The following KLHL32 variants were observed in gnomAD, a reference collection of about 807,000 sequenced individuals.
The protein encoded by KLHL32 is kelch like family member 32.
A neutral mutation model predicts 64.8 loss-of-function variants in KLHL32; 35 were observed. That is an observed-to-expected ratio of 0.54 (90% CI 0.41 to 0.72). The LOEUF is 0.72. KLHL32 is among the 30% of genes least tolerant of loss of function. The probability of loss-of-function intolerance (pLI) is 0.00; values close to 1 mark genes in which losing one functional copy is unlikely to be tolerated. For synonymous variants in KLHL32, 259 were observed against 281.0 expected (o/e 0.92, Z 0.78); for missense variants, 589 against 768.5 (o/e 0.77, Z 2.76).
upstream of KLHL32, among the ~76,000 whole-genome samples, chr6:96,921,428 C>T (rs1199212118): frequency 6.6e-6 from 1 of 152,196 alleles, no homozygotes; most frequent in African/African-American, 2.4e-5. Context: ...ACAAAATGTA[C>T]CCATAGGTAA....
intron 4 of KLHL32, among the ~76,000 whole-genome samples, chr6:97,049,752 T>C (rs1786550162): frequency 1.3e-5 from 2 of 152,230 alleles, no homozygotes; most frequent in Admixed American, 1.3e-4. Context: ...TTTTGCTTTT[T>C]TAGATCTTTT....
chr6:97,059,268 G>A (rs1327339356), intron 4 of KLHL32, among the ~76,000 whole-genome samples: 1 of 152,204 alleles, frequency 6.6e-6, no homozygotes. Context: ...TGGAGAACAA[G>A]GTATTGCCTG....
At chr6:97,076,804 A>G (rs2128169537) in intron 5 of KLHL32, among the ~76,000 whole-genome samples, 1 of 152,226 alleles carries the variant, frequency 6.6e-6, no homozygotes, top group South Asian at 2.1e-4. Context: ...AGTGTAGCTA[A>G]CATTTCTAGG....
In KLHL32 at chr6:97,068,242, A is replaced by G. The variant is rs548629891; in HGVS notation, c.411+3516A>G. Among the ~76,000 whole-genome samples the G allele has an allele frequency of 9.8e-5, 15 of 152,286 alleles. No individual in the cohort carries two copies. In the South Asian group the frequency reaches 3.1e-3, roughly 32 times the overall value. On this transcript the variant is annotated intron_variant, in intron 5 of 10. Coordinates refer to ENST00000369261, the MANE Select transcript of KLHL32 (RefSeq NM_052904.4). Reference sequence around the variant, plus strand: ...AGCATATTATATTGTTTTATTAACAACCATTCTTTATGTGCACCAAGTATC... The same window carrying G: ...AGCATATTATATTGTTTTATTAACAGCCATTCTTTATGTGCACCAAGTATC...
chr6:97,033,613 A>G (rs941520345), intron 3 of KLHL32, among the ~76,000 whole-genome samples: 1 of 152,146 alleles, frequency 6.6e-6, no homozygotes, highest in African/African-American at 2.4e-5. Context: ...ACTGTTTCCC[A>G]TAATGGCTGT....
chr6:97,060,596 G>A (rs756401601), intron 4 of KLHL32, among the ~76,000 whole-genome samples: 2 of 152,164 alleles, frequency 1.3e-5, no homozygotes, highest in African/African-American at 4.8e-5. Flanking sequence ...TCTGCCTGGA[G>A]ACCAGGAGTC....
intron 1 of KLHL32, among the ~76,000 whole-genome samples, chr6:96,940,017 A>C (rs888322293): frequency 7.9e-5 from 12 of 152,158 alleles, no homozygotes. Context: ...GAGAAACCTG[A>C]TGACTCCTAC....
chr6:96,916,674 G>A, the KLHL32 span, among the ~76,000 whole-genome samples: 14 of 152,240 alleles, frequency 9.2e-5, no homozygotes, highest in South Asian at 8.3e-4. Flanking sequence ...AAAAATTTTT[G>A]TATGTCTTTT....
At chr6:96,938,775 C>A (rs1474888888) in intron 1 of KLHL32, among the ~76,000 whole-genome samples, 1 of 152,184 alleles carries the variant, frequency 6.6e-6, no homozygotes, top group Non-Finnish European at 1.5e-5. Context: ...GTATTGTGCT[C>A]TGGGGACAGT....
intron 5 of KLHL32, among the ~76,000 whole-genome samples, chr6:97,077,440 T>C (rs1791775994): frequency 6.6e-6 from 1 of 152,072 alleles, no homozygotes; most frequent in Non-Finnish European, 1.5e-5. Context: ...TTTCTGATCA[T>C]CACTAAAAAC....
chr6:96,989,040 CA>C (rs1217810993), intron 3 of KLHL32, among the ~76,000 whole-genome samples: 2 of 152,130 alleles, frequency 1.3e-5, no homozygotes, highest in Admixed American at 1.3e-4. Flanking sequence ...ACCAGCATGG[CA>C]CATGTATACA....
intron 5 of KLHL32, among the ~76,000 whole-genome samples, chr6:97,083,585 C>G (rs1020355167): frequency 5.9e-5 from 9 of 152,100 alleles, no homozygotes; most frequent in Admixed American, 4.6e-4. Context: ...TGCAACTATT[C>G]TCTTTTTTCA....
At chr6:97,004,668 G>GT (rs888501647) in intron 3 of KLHL32, among the ~76,000 whole-genome samples, 29 of 151,926 alleles carry the variant, frequency 1.9e-4, no homozygotes, top group African/African-American at 3.1e-4. Context: ...AGTTTATTGA[G>GT]TTTTTTTTAA....
intron 3 of KLHL32, among the ~76,000 whole-genome samples, chr6:96,982,742 T>C (rs995090867): frequency 8.5e-5 from 13 of 152,146 alleles, no homozygotes; most frequent in Non-Finnish European, 1.9e-4. Flanking sequence ...TATCCTGAGA[T>C]GCTGCTGAAG....
intron 1 of KLHL32, among the ~76,000 whole-genome samples, chr6:96,939,445 T>C (rs1463660967): frequency 1.3e-5 from 2 of 152,156 alleles, no homozygotes; most frequent in African/African-American, 4.8e-5. Flanking sequence ...GAGATTACAA[T>C]ACAAATAAAT....
chr6:97,118,756 T>A (rs980418335), intron 7 of KLHL32, among the ~76,000 whole-genome samples: 1 of 152,110 alleles, frequency 6.6e-6, no homozygotes, highest in Non-Finnish European at 1.5e-5. Context: ...TTATCCATGA[T>A]GAGATGCTGA....
At chr6:97,027,301 T>C (rs1380522477) in intron 3 of KLHL32, among the ~76,000 whole-genome samples, 1 of 152,186 alleles carries the variant, frequency 6.6e-6, no homozygotes, top group African/African-American at 2.4e-5. Context: ...TATGACTAGA[T>C]CCTGACCACT....
intron 5 of KLHL32, among the ~76,000 whole-genome samples, chr6:97,068,367 C>A (rs748356853): frequency 4.6e-5 from 7 of 152,144 alleles, no homozygotes; most frequent in Non-Finnish European, 1.0e-4. Flanking sequence ...ACGCAACTCC[C>A]TTTTTGATAG....
At chr6:97,073,954 C>T (rs1791173874) in intron 5 of KLHL32, among the ~76,000 whole-genome samples, 1 of 152,198 alleles carries the variant, frequency 6.6e-6, no homozygotes, top group Admixed American at 6.5e-5. Context: ...GCATGTGCCA[C>T]AGGCCCTAGG....
Sources: allele counts gnomAD v4.1 joint callset (sites outside exome capture counted in the v4.1 genomes callset), GRCh38; gene constraint gnomAD v4.1.1; transcripts MANE v1.5; gene names NCBI Gene and HGNC (gene_info 2026-07-23, HGNC 2026-07-21).